GADL1: variants seen among roughly 807,000 people sequenced by gnomAD.
GADL1 encodes acidic amino acid decarboxylase GADL1.
A neutral mutation model predicts 69.5 loss-of-function variants in GADL1; 71 were observed. The observed-to-expected ratio is 1.02, with a 90% CI of 0.84 to 1.25. GADL1 has a LOEUF of 1.25. Among genes scored for constraint, GADL1 ranks in the 50% most tolerant of loss-of-function variants. GADL1 has a pLI of 0.00. For synonymous variants in GADL1, 254 were observed against 214.4 expected (o/e 1.18, Z -1.62); for missense variants, 737 against 631.8 (o/e 1.17, Z -1.79).
intron 1 of GADL1, among the ~76,000 whole-genome samples, chr3:30,884,420 G>GTGGCAA (rs1476983116): frequency 1.3e-5 from 2 of 152,030 alleles, no homozygotes; most frequent in African/African-American, 4.8e-5. Context: ...TAAAGAGGTG[G>GTGGCAA]TGGCAACAGA....
intron 2 of GADL1, among the ~76,000 whole-genome samples, chr3:30,857,622 A>G (rs182624853): frequency 2.6e-5 from 4 of 152,006 alleles, no homozygotes; most frequent in Non-Finnish European, 4.4e-5. Context: ...GCAGTCTGCT[A>G]TCGACCTAGC....
At chr3:30,858,230 T>C (rs1220831939) in intron 2 of GADL1, among the ~76,000 whole-genome samples, 1 of 151,996 alleles carries the variant, frequency 6.6e-6, no homozygotes, top group Non-Finnish European at 1.5e-5. Flanking sequence ...AATAACTGAA[T>C]GGATAAACAG....
At chr3:30,763,009 T>C (rs1251266594) in intron 14 of GADL1, among the ~76,000 whole-genome samples, 1 of 152,210 alleles carries the variant, frequency 6.6e-6, no homozygotes, top group Non-Finnish European at 1.5e-5. Flanking sequence ...TCTTAGCTAT[T>C]GTAAACAGTG....
At chr3:30,893,342 A>G (rs1452706088) in intron 1 of GADL1, among the ~76,000 whole-genome samples, 3 of 152,104 alleles carry the variant, frequency 2.0e-5, no homozygotes, top group Non-Finnish European at 4.4e-5. Flanking sequence ...ACATTGTTTA[A>G]TGACCAAATC....
intron 11 of GADL1, among the ~76,000 whole-genome samples, chr3:30,830,628 T>C (rs769415202): frequency 6.6e-6 from 1 of 151,898 alleles, no homozygotes; most frequent in Non-Finnish European, 1.5e-5. Flanking sequence ...CCTTATTTTC[T>C]TCTAATTCCA....
Position 30,726,789 on chromosome 3 carries a change from T to C in GADL1, c.*1453A>G, listed in dbSNP as rs750110334. ...TGAACTCTACACCCACACCTATGAA[T>C]TCTGTCAATTTCTTAGTTAAACAAA... On this transcript the variant is annotated 3_prime_UTR_variant, in exon 15 of 15. Transcript: ENST00000282538. 3 of 152,232 alleles carry C rather than the reference T, an allele frequency of 2.0e-5. No individual in the cohort carries two copies. Among genetic ancestry groups the C allele is most frequent in the Admixed American group, 2.0e-4 (3 of 15,254 alleles). The allele number at this position is 152,232 out of a possible 1,614,324, so 9.4% of individuals were successfully genotyped here.
At chr3:30,760,228 G>A (rs1000890808) in intron 14 of GADL1, among the ~76,000 whole-genome samples, 37 of 152,076 alleles carry the variant, frequency 2.4e-4, no homozygotes, top group African/African-American at 8.5e-4. Flanking sequence ...CATCTTCCTC[G>A]AGGTTCATCT....
Position 30,850,794 on chromosome 3 carries a change from G to A in GADL1, c.535+41C>T, listed in dbSNP as rs149349123. ...TTCCTCATGGATAAATTTTTACGTG[G>A]TTGTATTGGAAGGTTGATATCAATA... On this transcript the variant is annotated intron_variant, in intron 5 of 14. Transcript: ENST00000282538. 9.2e-4 allele frequency: 1,072 copies of A among 1,169,168 alleles called. 8 individuals carry two copies. The African/African-American group carries it at 0.015, about 16-fold the overall frequency. The allele number at this position is 1,169,168 out of a possible 1,614,324, so 72.4% of individuals were successfully genotyped here.
chr3:30,890,928 T>G (rs1407938602), intron 1 of GADL1, among the ~76,000 whole-genome samples: 6 of 152,188 alleles, frequency 3.9e-5, no homozygotes, highest in Admixed American at 3.9e-4. Flanking sequence ...GTAGATATTT[T>G]TATCCCTACC....
At chr3:30,837,556 T>C (rs1697894159) in intron 9 of GADL1, among the ~76,000 whole-genome samples, 1 of 152,164 alleles carries the variant, frequency 6.6e-6, no homozygotes, top group Non-Finnish European at 1.5e-5. Context: ...CTAAGCCCCA[T>C]AAATCTCTTA....
Position 30,887,501 on chromosome 3 carries a change from C to T in GADL1, c.37+7077G>A, listed in dbSNP as rs1015682920. Among the ~76,000 whole-genome samples, 10 of 152,142 alleles carry T rather than the reference C, an allele frequency of 6.6e-5. No homozygotes were observed. In the East Asian group the frequency reaches 1.9e-3, roughly 29 times the overall value. ...CTTCGCCATGTAATGCCCTGCACCA[C>T]CTTGGGATACTGAAAAGAATCCCCA... On this transcript the variant is annotated intron_variant, in intron 1 of 14. Coordinates refer to ENST00000282538, the MANE Select transcript of GADL1 (RefSeq NM_207359.3).
chr3:30,766,700 T>C (rs919815570), intron 14 of GADL1, among the ~76,000 whole-genome samples: 14 of 152,154 alleles, frequency 9.2e-5, no homozygotes, highest in African/African-American at 3.4e-4. Context: ...ATAGGCTGGC[T>C]TTCCAAGTAA....
intron 8 of GADL1, among the ~76,000 whole-genome samples, chr3:30,839,513 T>TAAAAAAAAAAAA (rs1559357595): frequency 4.6e-5 from 2 of 43,600 alleles, no homozygotes; most frequent in African/African-American, 6.1e-4. Flanking sequence ...TGTCATCTTC[T>TAAAAAAAAAAAA]CAAAAAAAAA....
chr3:30,885,424 C>G (rs1698690126), intron 1 of GADL1, among the ~76,000 whole-genome samples: 1 of 152,108 alleles, frequency 6.6e-6, no homozygotes, highest in South Asian at 2.1e-4. Flanking sequence ...ATGGATAAAG[C>G]TAAAAAGCCT....
At chr3:30,763,321 AC>A (rs144551440) in intron 14 of GADL1, among the ~76,000 whole-genome samples, 1 of 151,670 alleles carries the variant, frequency 6.6e-6, no homozygotes, top group Non-Finnish European at 1.5e-5. Context: ...ACACGGTGAA[AC>A]CCCCTGTCGC....
chr3:30,839,140 A>G (rs756237584), intron 8 of GADL1, 27 bp from the exon 9 acceptor site: 2 of 1,361,060 alleles, frequency 1.5e-6, no homozygotes, highest in East Asian at 2.6e-5. Context: ...CACACACAAA[A>G]TTATCACTGT....
intron 14 of GADL1, among the ~76,000 whole-genome samples, chr3:30,735,690 C>T: frequency 6.6e-6 from 1 of 152,130 alleles, no homozygotes; most frequent in East Asian, 1.9e-4. Flanking sequence ...GTGATGAACA[C>T]TGTGTCATGG....
intron 14 of GADL1, among the ~76,000 whole-genome samples, chr3:30,772,566 G>T (rs561416341): frequency 6.6e-6 from 1 of 152,140 alleles, no homozygotes; most frequent in South Asian, 2.1e-4. Flanking sequence ...CTTATTTCAG[G>T]AAGTTACTTT....
At chr3:30,830,672 A>G (rs1697772340) in intron 11 of GADL1, among the ~76,000 whole-genome samples, 2 of 152,078 alleles carry the variant, frequency 1.3e-5, no homozygotes, top group South Asian at 2.1e-4. Flanking sequence ...ACCCATTCCT[A>G]TGACCTCAGA....
Sources: allele counts gnomAD v4.1 joint callset (sites outside exome capture counted in the v4.1 genomes callset), GRCh38; gene constraint gnomAD v4.1.1; transcripts MANE v1.5; gene names NCBI Gene and HGNC (gene_info 2026-07-23, HGNC 2026-07-21).